ASB1: variants seen among roughly 807,000 people sequenced by gnomAD.
ASB1 encodes the protein ankyrin repeat and SOCS box protein 1.
In ASB1, 18 loss-of-function variants were observed where a neutral mutation model predicts 27.7. The observed-to-expected ratio is 0.65, with a 90% CI of 0.45 to 0.96. The LOEUF (loss-of-function observed/expected upper bound fraction) is 0.96, where lower values mean the gene tolerates loss of function less well. ASB1 is among the 50% of genes least tolerant of loss of function. The probability of loss-of-function intolerance (pLI) is 0.00; values close to 1 mark genes in which losing one functional copy is unlikely to be tolerated. For missense variants in ASB1, 397 were observed against 451.7 expected (o/e 0.88, Z 1.10); for synonymous variants, 189 against 187.6 (o/e 1.01, Z -0.06).
At chr2:238,435,675 C>T in intron 2 of ASB1, 36 bp from the exon 3 acceptor site, 7 of 1,581,788 alleles carry the variant, frequency 4.4e-6, no homozygotes, top group Non-Finnish European at 6.0e-6. Context: ...TGTCCTGCGG[C>T]TGCCTCTCAT....
rs954428887 is a variant in ASB1 at position 238,427,111 on chromosome 2, G to T, written c.41G>T (p.Gly14Val). 1.6e-6 allele frequency: 2 copies of T among 1,257,022 alleles called. No homozygotes were observed. Among genetic ancestry groups the T allele is most frequent in the Non-Finnish European group, 2.0e-6 (2 of 1,001,944 alleles). 77.9% of individuals were successfully genotyped at this position (1,257,022 alleles called of 1,614,324 possible). ...GGSPDGRAGP[G>V]SAGRNLKEWL... ...AGCCCAGACGGGCGGGCAGGGCCGG[G>T]CTCCGCAGGTAACGTGCGCGCGGCC... Residue 14 changes from glycine to valine, a missense_variant, in exon 1 of 5, where the codon GGC (glycine) becomes GTC (valine). Physicochemically the swap from Gly to Val is moderately radical, Grantham distance 109. Coordinates refer to ENST00000264607, the MANE Select transcript of ASB1 (RefSeq NM_001040445.3).
At chr2:238,442,507 A>G (rs2106408995) in intron 3 of ASB1, among the ~76,000 whole-genome samples, 1 of 151,772 alleles carries the variant, frequency 6.6e-6, no homozygotes, top group South Asian at 2.1e-4. Flanking sequence ...TTTTCCCCCA[A>G]TTTTTCATTG....
rs955329786 is a variant in ASB1 at position 238,427,005 on chromosome 2, G to C, written c.-66G>C. 1.0e-5 allele frequency: 12 copies of C among 1,202,602 alleles called. No homozygotes were observed. The African/African-American group carries it at 1.7e-4, about 17-fold the overall frequency. 74.5% of individuals were successfully genotyped at this position (1,202,602 alleles called of 1,614,324 possible). A position where few individuals can be genotyped will look rare whatever the true frequency, so the allele number is the denominator to read the frequency against. On this transcript the variant is annotated 5_prime_UTR_variant, in exon 1 of 5. Coordinates refer to ENST00000264607, the MANE Select transcript of ASB1 (RefSeq NM_001040445.3). Reference sequence around the variant, plus strand: ...GCCCTCGGCGCCGGAAGTGGTCGCGGGTCGTTCTGCTTCCTGCCCGAGGGG... The same window carrying C: ...GCCCTCGGCGCCGGAAGTGGTCGCGCGTCGTTCTGCTTCCTGCCCGAGGGG...
intron 3 of ASB1, among the ~76,000 whole-genome samples, chr2:238,437,441 A>G (rs1483177660): frequency 6.6e-6 from 1 of 152,250 alleles, no homozygotes; most frequent in East Asian, 1.9e-4. Context: ...CATGTCAGCC[A>G]GGATGGTCTC....
chr2:238,433,980 C>G (rs1056023769), intron 2 of ASB1, among the ~76,000 whole-genome samples: 2 of 152,200 alleles, frequency 1.3e-5, no homozygotes, highest in Non-Finnish European at 2.9e-5. Flanking sequence ...TGATGTCACT[C>G]CTGAAGGTAC....
intron 4 of ASB1, among the ~76,000 whole-genome samples, chr2:238,445,331 T>C (rs1351883834): frequency 6.6e-6 from 1 of 152,218 alleles, no homozygotes; most frequent in Non-Finnish European, 1.5e-5. Context: ...CAGATTCTTA[T>C]AGACAGTGAC....
intron 2 of ASB1, among the ~76,000 whole-genome samples, chr2:238,434,471 G>A (rs148368037): frequency 8.8e-4 from 134 of 152,344 alleles, no homozygotes; most frequent in African/African-American, 3.0e-3. Flanking sequence ...ATGCCAGTGC[G>A]GTGGTAGAAG....
At chr2:238,437,001 A>G (rs770609476) in intron 3 of ASB1, among the ~76,000 whole-genome samples, 1 of 152,178 alleles carries the variant, frequency 6.6e-6, no homozygotes, top group African/African-American at 2.4e-5. Flanking sequence ...ACATGGCATT[A>G]TGTAATATTT....
At position 238,446,642 on chromosome 2, in the gene ASB1, T is replaced by A; in HGVS notation, c.*131T>A. On this transcript the variant is annotated 3_prime_UTR_variant, in exon 5 of 5. Transcript: ENST00000264607. Reference sequence around the variant, plus strand: ...CTGCAGAAGATGTCCTCGTAGACTGTCATTGCTCCTCAGGTGCCTGGGCCG... The same window carrying A: ...CTGCAGAAGATGTCCTCGTAGACTGACATTGCTCCTCAGGTGCCTGGGCCG... 1 of 1,201,058 alleles carries A rather than the reference T, an allele frequency of 8.3e-7. No individual in the cohort carries two copies. Among genetic ancestry groups the A allele is most frequent in the Non-Finnish European group, 1.2e-6 (1 of 828,574 alleles). The allele number at this position is 1,201,058 out of a possible 1,614,324, so 74.4% of individuals were successfully genotyped here. A position where few individuals can be genotyped will look rare whatever the true frequency, so the allele number is the denominator to read the frequency against.
At chr2:238,429,407 C>T (rs1701825058) in intron 1 of ASB1, among the ~76,000 whole-genome samples, 2 of 152,130 alleles carry the variant, frequency 1.3e-5, no homozygotes, top group African/African-American at 4.8e-5. Flanking sequence ...GTGAATAACT[C>T]AATTATTTCC....
In ASB1 at chr2:238,448,482, C is replaced by T. The variant is rs1352438024; in HGVS notation, c.*1971C>T. Reference sequence around the variant, plus strand: ...CTCTTTACTGGCTTACTGTTTAGCTCCTCCCACCTCGAGGCTCTTCTTCCT... The same window carrying T: ...CTCTTTACTGGCTTACTGTTTAGCTTCTCCCACCTCGAGGCTCTTCTTCCT... On this transcript the variant is annotated 3_prime_UTR_variant, in exon 5 of 5. Coordinates refer to ENST00000264607, the MANE Select transcript of ASB1 (RefSeq NM_001040445.3). 1.3e-5 allele frequency: 2 copies of T among 152,216 alleles called. No homozygotes were observed. Among genetic ancestry groups the T allele is most frequent in the Admixed American group, 1.3e-4 (2 of 15,290 alleles). The allele number at this position is 152,216 out of a possible 1,614,324, so 9.4% of individuals were successfully genotyped here.
Position 238,451,223 on chromosome 2 carries a change from G to C in ASB1, c.*4712G>C, listed in dbSNP as rs1199876138. 1 of 152,292 alleles carries C rather than the reference G, an allele frequency of 6.6e-6. No individual in the cohort carries two copies. The highest frequency in any genetic ancestry group is 1.5e-5 in the Non-Finnish European group (1 of 68,080). The allele number at this position is 152,292 out of a possible 1,614,324, so 9.4% of individuals were successfully genotyped here. Reference sequence around the variant, plus strand: ...GAATAAATACTAGAAATTCTCAGCAGACAGTGGGATGGAGAAGTGAGTGGG... The same window carrying C: ...GAATAAATACTAGAAATTCTCAGCACACAGTGGGATGGAGAAGTGAGTGGG... On this transcript the variant is annotated 3_prime_UTR_variant, in exon 5 of 5. Transcript: ENST00000264607.
intron 1 of ASB1, among the ~76,000 whole-genome samples, chr2:238,432,684 A>C (rs1195286998): frequency 1.3e-5 from 2 of 152,132 alleles, no homozygotes; most frequent in Non-Finnish European, 2.9e-5. Flanking sequence ...AAATACCAGT[A>C]CTAAGATATT....
rs571709816 is a variant in ASB1 at position 238,446,936 on chromosome 2, G to A, written c.*425G>A. ...AGTATCTCAATGAAAAGGGAGTTTC[G>A]TAAGCAAAATAGAGGACAGAAATGC... On this transcript the variant is annotated 3_prime_UTR_variant, in exon 5 of 5. Transcript: ENST00000264607. The A allele has an allele frequency of 1.3e-3, 235 of 183,778 alleles. No homozygotes were observed. Among genetic ancestry groups the A allele is most frequent in the Non-Finnish European group, 2.2e-3 (188 of 87,052 alleles). 11.4% of individuals were successfully genotyped at this position (183,778 alleles called of 1,614,324 possible). A position where few individuals can be genotyped will look rare whatever the true frequency, so the allele number is the denominator to read the frequency against.
chr2:238,435,679 C>T (rs775915810), intron 2 of ASB1, 32 bp from the exon 3 acceptor site: 6 of 1,587,602 alleles, frequency 3.8e-6, no homozygotes, highest in African/African-American at 2.7e-5. Context: ...CTGCGGCTGC[C>T]TCTCATGAGC....
intron 1 of ASB1, among the ~76,000 whole-genome samples, chr2:238,431,446 A>G (rs1406611023): frequency 2.6e-5 from 4 of 152,210 alleles, no homozygotes; most frequent in African/African-American, 9.7e-5. Flanking sequence ...GATTTCCTCT[A>G]TATCAGCAAT....
At position 238,433,620 on chromosome 2, in the gene ASB1, C is replaced by A. The variant is rs566697254; in HGVS notation, c.116C>A (p.Thr39Lys). The change falls in exon 2 of 5, where the codon ACG becomes AAG. Residue 39 changes from threonine (T) to lysine (K), a missense_variant. Transcript: ENST00000264607. Reference protein sequence around the residue: ...CDHPLEHCEDTRLHDAAYVGD... With the variant: ...CDHPLEHCEDKRLHDAAYVGD... Reference sequence around the variant, plus strand: ...CATCCGCTGGAGCACTGTGAGGACACGAGGCTCCATGATGCAGCTTACGTC... The same window carrying A: ...CATCCGCTGGAGCACTGTGAGGACAAGAGGCTCCATGATGCAGCTTACGTC... 1 of 1,614,118 alleles carries A rather than the reference C, an allele frequency of 6.2e-7. No homozygotes were observed. The highest frequency in any genetic ancestry group is 1.7e-5 in the Admixed American group (1 of 60,028).
At chr2:238,438,816 A>G (rs1159697118) in intron 3 of ASB1, among the ~76,000 whole-genome samples, 1 of 152,192 alleles carries the variant, frequency 6.6e-6, no homozygotes, top group Non-Finnish European at 1.5e-5. Context: ...TTCACTTGAT[A>G]TGTATTGCCC....
chr2:238,430,857 C>G (rs116135157), intron 1 of ASB1, among the ~76,000 whole-genome samples: 4,153 of 152,310 alleles, frequency 0.027, 70 homozygotes, highest in Non-Finnish European at 0.044. Context: ...TGAAAGGAAT[C>G]TTGTGAGCAG....
Sources: gnomAD v4.1 joint callset for allele counts (sites outside exome capture counted in the v4.1 genomes callset) on GRCh38, gnomAD v4.1.1 for gene constraint, MANE v1.5 for transcripts, NCBI Gene and HGNC (gene_info 2026-07-23, HGNC 2026-07-21) for gene names.